Variants in KIAA1671 observed in about 807,000 individuals in gnomAD.
KIAA1671 encodes uncharacterized protein KIAA1671.
A neutral mutation model predicts 131.2 loss-of-function variants in KIAA1671; 52 were observed. The ratio of observed to expected loss-of-function variants is 0.40; its 90% CI spans 0.32 to 0.50. The LOEUF is 0.50. Ranked by LOEUF, KIAA1671 falls within the 20% of genes least tolerant of loss-of-function variation. The pLI is 0.73. For synonymous variants in KIAA1671, 1,003 were observed against 961.6 expected (o/e 1.04, Z -0.80); for missense variants, 2,360 against 2,364.2 (o/e 1.00, Z 0.04).
intron 1 of KIAA1671, among the ~76,000 whole-genome samples, chr22:24,987,110 C>A (rs1923585902): frequency 6.6e-6 from 1 of 151,766 alleles, no homozygotes; most frequent in South Asian, 2.1e-4. Flanking sequence ...TATGATTTTT[C>A]ATGTGTCATG....
intron 6 of KIAA1671, chr22:25,069,999 T>C (rs760272268): frequency 2.4e-5 from 5 of 208,866 alleles, no homozygotes; most frequent in Non-Finnish European, 4.7e-5. Context: ...GGCATCACCT[T>C]CTCTCTTCTT....
chr22:25,109,021 G>A (rs942334350), intron 6 of KIAA1671, among the ~76,000 whole-genome samples: 10 of 152,120 alleles, frequency 6.6e-5, no homozygotes, highest in African/African-American at 2.2e-4. Context: ...CTCACAACAT[G>A]GCGGCTGGCT....
chr22:25,101,269 C>T (rs1384745380), intron 6 of KIAA1671, among the ~76,000 whole-genome samples: 2 of 152,156 alleles, frequency 1.3e-5, no homozygotes, highest in Non-Finnish European at 2.9e-5. Flanking sequence ...CTGCCTTTTT[C>T]CATTTTAGAG....
chr22:25,078,922 C>T (rs1430986055), intron 6 of KIAA1671, among the ~76,000 whole-genome samples: 1 of 152,168 alleles, frequency 6.6e-6, no homozygotes. Context: ...CTTCTATTCC[C>T]TACTGGGCCA....
At chr22:25,101,426 G>A (rs1465911343) in intron 6 of KIAA1671, among the ~76,000 whole-genome samples, 1 of 152,198 alleles carries the variant, frequency 6.6e-6, no homozygotes, top group Non-Finnish European at 1.5e-5. Flanking sequence ...TGAGGGTGGG[G>A]CCTGATAAAG....
intron 6 of KIAA1671, among the ~76,000 whole-genome samples, chr22:25,161,490 G>A (rs768385337): frequency 2.6e-5 from 4 of 152,240 alleles, no homozygotes; most frequent in Non-Finnish European, 5.9e-5. Flanking sequence ...TTGTGTGTGT[G>A]AGGATCGCGT....
chr22:25,035,675 A>C (rs1926548996), intron 4 of KIAA1671, among the ~76,000 whole-genome samples: 1 of 152,222 alleles, frequency 6.6e-6, no homozygotes. Context: ...TGCTGTAGTG[A>C]CAGCAGCAGC....
chr22:25,088,741 A>G (rs926981640), intron 6 of KIAA1671, among the ~76,000 whole-genome samples: 2 of 152,212 alleles, frequency 1.3e-5, no homozygotes, highest in Non-Finnish European at 2.9e-5. Flanking sequence ...TCTCCCTGCC[A>G]TCACCTCCAA....
intron 6 of KIAA1671, among the ~76,000 whole-genome samples, chr22:25,148,791 A>G (rs183484510): frequency 2.4e-3 from 362 of 152,258 alleles, no homozygotes; most frequent in Non-Finnish European, 3.6e-3. Flanking sequence ...TCTTATTTGC[A>G]TCTCGCTCCC....
intron 6 of KIAA1671, among the ~76,000 whole-genome samples, chr22:25,097,213 G>A (rs1167251204): frequency 6.6e-6 from 1 of 152,134 alleles, no homozygotes; most frequent in Non-Finnish European, 1.5e-5. Context: ...AGTATTTGTA[G>A]CATTTTGCAC....
intron 6 of KIAA1671, chr22:25,049,762 A>ATTTC (rs55981017): frequency 0.24 from 38,224 of 162,382 alleles, 6,681 homozygotes; most frequent in African/African-American, 0.51. Flanking sequence ...CTTGATTCCT[A>ATTTC]TCTAGCTGTG....
At chr22:25,072,467 G>A (rs1421361720) in intron 6 of KIAA1671, among the ~76,000 whole-genome samples, 2 of 152,172 alleles carry the variant, frequency 1.3e-5, no homozygotes, top group African/African-American at 4.8e-5. Flanking sequence ...GAGCCACATA[G>A]GCCCACCGCT....
At chr22:25,141,791 G>A (rs1466965610) in intron 6 of KIAA1671, among the ~76,000 whole-genome samples, 4 of 152,214 alleles carry the variant, frequency 2.6e-5, no homozygotes, top group Admixed American at 6.5e-5. Context: ...TGCTGAAGCC[G>A]AGGTCCAGAG....
chr22:24,989,353 C>T (rs1383658242), intron 1 of KIAA1671, among the ~76,000 whole-genome samples: 1 of 152,168 alleles, frequency 6.6e-6, no homozygotes, highest in African/African-American at 2.4e-5. Flanking sequence ...GCCCTGCTGA[C>T]AGCCTCCTCT....
intron 6 of KIAA1671, among the ~76,000 whole-genome samples, chr22:25,070,869 TAGA>T (rs1011761732): frequency 1.3e-5 from 2 of 152,228 alleles, no homozygotes; most frequent in African/African-American, 4.8e-5. Context: ...TACACAGTGA[TAGA>T]AGAAGTTGGG....
chr22:25,154,334 G>C (rs1038431112), intron 6 of KIAA1671, among the ~76,000 whole-genome samples: 1 of 152,222 alleles, frequency 6.6e-6, no homozygotes, highest in Non-Finnish European at 1.5e-5. Context: ...GATCAACTTA[G>C]GACCTAACAC....
intron 6 of KIAA1671, among the ~76,000 whole-genome samples, chr22:25,089,013 G>A (rs1321968629): frequency 1.3e-5 from 2 of 152,162 alleles, no homozygotes; most frequent in Non-Finnish European, 2.9e-5. Flanking sequence ...TACTGAACAT[G>A]TACTGACTTT....
chr22:24,957,962 G>A (rs894860020), intron 1 of KIAA1671, among the ~76,000 whole-genome samples: 2 of 128,270 alleles, frequency 1.6e-5, no homozygotes, highest in Admixed American at 7.5e-5. Flanking sequence ...ACAGGCACCC[G>A]GCCTTTTTTT....
At chr22:25,033,130 C>G (rs1158721864) in intron 4 of KIAA1671, among the ~76,000 whole-genome samples, 2 of 152,114 alleles carry the variant, frequency 1.3e-5, no homozygotes, top group African/African-American at 4.8e-5. Flanking sequence ...CATTTGTAAT[C>G]CCAGCACTTT....
Sources: allele counts gnomAD v4.1 joint callset (sites outside exome capture counted in the v4.1 genomes callset), GRCh38; gene constraint gnomAD v4.1.1; transcripts MANE v1.5; gene names NCBI Gene and HGNC (gene_info 2026-07-23, HGNC 2026-07-21).